Variants in NCKAP1 observed in about 807,000 individuals in gnomAD.
The protein encoded by NCKAP1 is nck-associated protein 1.
In NCKAP1, 21 loss-of-function variants were observed where a neutral mutation model predicts 151.2. That is an observed-to-expected ratio of 0.14 (90% CI 0.10 to 0.20). The LOEUF (loss-of-function observed/expected upper bound fraction) is 0.20, where lower values mean the gene tolerates loss of function less well. Among genes scored for constraint, NCKAP1 ranks in the 10% least tolerant of loss-of-function variants. The pLI, the probability that NCKAP1 is intolerant of heterozygous loss-of-function variation, is 1.00. For missense variants in NCKAP1, 933 were observed against 1,352.1 expected (o/e 0.69, Z 4.86); for synonymous variants, 484 against 451.8 (o/e 1.07, Z -0.90).
In NCKAP1 at chr2:182,926,128, A is replaced by AT. The variant is rs200459663; in HGVS notation, c.3271-311dup. On this transcript the variant is annotated intron_variant, in intron 30 of 30. Coordinates refer to ENST00000361354, the MANE Select transcript of NCKAP1 (RefSeq NM_013436.5). ...TAGAAATAAAAGACAATACAAAAAT[A>AT]TTTTTTTTTTGTACTATCAACTCTA... Among the ~76,000 whole-genome samples the AT allele has an allele frequency of 3.7e-4, 56 of 150,164 alleles. No homozygotes were observed. The East Asian group carries it at 9.5e-3, about 26-fold the overall frequency.
At chr2:182,986,279 A>G in intron 9 of NCKAP1, 52 bp from the exon 10 acceptor site, 1 of 1,405,986 alleles carries the variant, frequency 7.1e-7, no homozygotes, top group South Asian at 1.2e-5. Context: ...AATAACTGTC[A>G]AAATGAGTAA....
intron 8 of NCKAP1, among the ~76,000 whole-genome samples, chr2:182,992,319 T>C (rs1160314065): frequency 6.6e-6 from 1 of 152,238 alleles, no homozygotes; most frequent in African/African-American, 2.4e-5. Flanking sequence ...ATTCATTCCT[T>C]ATTTTGGCAA....
chr2:182,940,034 TGCAAATTCTGTTTGGAATTTTA>T (rs1024745402), intron 24 of NCKAP1, among the ~76,000 whole-genome samples: 13 of 152,182 alleles, frequency 8.5e-5, no homozygotes, highest in African/African-American at 2.7e-4. Flanking sequence ...TTTGAAAACT[TGCAAATTCTGTTTGGAATTTTA>T]ACAAATTCCA....
chr2:182,994,305 C>T (rs1015643258), intron 8 of NCKAP1, among the ~76,000 whole-genome samples: 3 of 152,118 alleles, frequency 2.0e-5, no homozygotes, highest in African/African-American at 7.2e-5. Context: ...TTGTCACTCA[C>T]TAGCTGTGTG....
intron 15 of NCKAP1, among the ~76,000 whole-genome samples, chr2:182,968,281 C>T (rs754024953): frequency 2.4e-4 from 36 of 152,092 alleles, no homozygotes; most frequent in Non-Finnish European, 4.0e-4. Flanking sequence ...GGCAATAAGA[C>T]GGCATTACAA....
At chr2:182,974,461 A>G (rs1176527056) in intron 15 of NCKAP1, among the ~76,000 whole-genome samples, 1 of 152,170 alleles carries the variant, frequency 6.6e-6, no homozygotes, top group East Asian at 1.9e-4. Flanking sequence ...CATAAAAATG[A>G]GGTCATTTGA....
rs778117473 is a variant in NCKAP1 at position 183,001,987 on chromosome 2, T to C, written c.569A>G (p.Lys190Arg). ...QMIVDYENPL[K>R]KMMEEFVPHS... ...GGGTACAAATTCTTCCATCATCTTC[T>C]TTAAAGGGTTTTCATAATCCACAAT... is the stretch of plus-strand genomic sequence containing the variant. Residue 190 changes from lysine (K) to arginine (R), a missense_variant, in exon 6 of 31, where the codon AAG (lysine) becomes AGG (arginine). This residue lies in a region of NCKAP1 where 607 missense variants were observed against 795.0 expected (regional missense o/e 0.76). Coordinates refer to ENST00000361354, the MANE Select transcript of NCKAP1 (RefSeq NM_013436.5). 6.8e-6 allele frequency: 11 copies of C among 1,613,876 alleles called. 1 individual carries two copies. In the South Asian group the frequency reaches 9.9e-5, roughly 14 times the overall value.
At chr2:182,940,375 T>C (rs1696970981) in intron 24 of NCKAP1, among the ~76,000 whole-genome samples, 5 of 152,120 alleles carry the variant, frequency 3.3e-5, no homozygotes, top group Admixed American at 3.3e-4. Context: ...ACCACGTCTA[T>C]TTTTTTGTTT....
chr2:182,987,335 T>C (rs959504812), intron 9 of NCKAP1, among the ~76,000 whole-genome samples: 1 of 152,202 alleles, frequency 6.6e-6, no homozygotes, highest in African/African-American at 2.4e-5. Flanking sequence ...GATTTATGTA[T>C]TCTTTGAGCA....
chr2:183,009,250 C>G (rs1292300095), intron 2 of NCKAP1, among the ~76,000 whole-genome samples: 3 of 151,922 alleles, frequency 2.0e-5, no homozygotes, highest in Non-Finnish European at 4.4e-5. Context: ...GGTTAGCCAC[C>G]TGTGGTCCCA....
chr2:183,019,711 G>A (rs1698760023), intron 2 of NCKAP1, among the ~76,000 whole-genome samples: 1 of 152,170 alleles, frequency 6.6e-6, no homozygotes, highest in African/African-American at 2.4e-5. Flanking sequence ...ACAAGTGGCT[G>A]CTATAATTAT....
Position 182,952,860 on chromosome 2 carries a change from T to C in NCKAP1, c.2436A>G (p.Lys812=), listed in dbSNP as rs758615246. ...TTTCTGTAGGTAAGTTCACAAACGCTTTCATTGCAGGAAAATATGCTATAT... is the reference window on the plus strand; with the variant it reads ...TTTCTGTAGGTAAGTTCACAAACGCCTTCATTGCAGGAAAATATGCTATAT... ...NGHIAYFPAM[K]AFVNLPTENE... The change falls in exon 22 of 31, where the codon AAA becomes AAG. Residue 812 remains lysine (K), a synonymous_variant. Transcript: ENST00000361354. 3.7e-6 allele frequency: 6 copies of C among 1,612,304 alleles called. No individual in the cohort carries two copies. Among genetic ancestry groups the C allele is most frequent in the Non-Finnish European group, 5.1e-6 (6 of 1,178,956 alleles).
At chr2:182,957,250 C>G in intron 19 of NCKAP1, 1 of 451,760 alleles carries the variant, frequency 2.2e-6, no homozygotes. Flanking sequence ...TCAACTATTA[C>G]ATATATTTTC....
rs969747412 is a variant in NCKAP1 at position 182,916,525 on chromosome 2, T to C, written c.*9177A>G. On this transcript the variant is annotated 3_prime_UTR_variant, in exon 31 of 31. Transcript: ENST00000361354. ...TTACATTATGATTCAATATGTACTA[T>C]AATAAAGGCATTTATAAGGTTTAGA... 1 of 152,216 alleles carries C rather than the reference T, an allele frequency of 6.6e-6. No individual in the cohort carries two copies. Among genetic ancestry groups the C allele is most frequent in the Non-Finnish European group, 1.5e-5 (1 of 68,052 alleles). 9.4% of individuals were successfully genotyped at this position (152,216 alleles called of 1,614,324 possible).
chr2:182,992,709 T>C (rs1698193166), intron 8 of NCKAP1, among the ~76,000 whole-genome samples: 1 of 152,142 alleles, frequency 6.6e-6, no homozygotes, highest in Admixed American at 6.5e-5. Context: ...TAAAAATAGC[T>C]ACGGCCAGAT....
At chr2:182,945,848 G>A (rs1006111300) in intron 23 of NCKAP1, among the ~76,000 whole-genome samples, 4 of 152,144 alleles carry the variant, frequency 2.6e-5, no homozygotes, top group Non-Finnish European at 4.4e-5. Flanking sequence ...AAAGACCCAT[G>A]CATGTGTATG....
intron 30 of NCKAP1, 40 bp downstream of exon 30, chr2:182,926,776 G>T: frequency 7.4e-7 from 1 of 1,358,354 alleles, no homozygotes. Flanking sequence ...GGAACGACTG[G>T]AACTTTTTTA....
chr2:183,002,147 A>G lies in NCKAP1; in HGVS notation c.492T>C (p.His164=). 2.5e-6 allele frequency: 4 copies of G among 1,613,336 alleles called. No individual in the cohort carries two copies. The highest frequency in any genetic ancestry group is 2.2e-5 in the East Asian group (1 of 44,822). Residue 164 remains histidine (H), a synonymous_variant, in exon 5 of 31, where the codon CAT becomes CAC. Coordinates refer to ENST00000361354, the MANE Select transcript of NCKAP1 (RefSeq NM_013436.5). ...KAIIGLYNYA[H]EMTHGASDRE... is the part of the protein sequence containing the mutation. ...TCTACCTTGCTCCATGAGTCATTTCATGGGCATAGTTGTATAATCCAATGA... is the reference window on the plus strand; with the variant it reads ...TCTACCTTGCTCCATGAGTCATTTCGTGGGCATAGTTGTATAATCCAATGA...
intron 18 of NCKAP1, among the ~76,000 whole-genome samples, chr2:182,958,179 C>T (rs1057180236): frequency 6.6e-6 from 1 of 152,160 alleles, no homozygotes; most frequent in Admixed American, 6.6e-5. Context: ...AGGAGTTTCA[C>T]TCTTGTTGCC....
Sources: allele counts gnomAD v4.1 joint callset (sites outside exome capture counted in the v4.1 genomes callset), GRCh38; gene constraint gnomAD v4.1.1; regional missense constraint gnomAD v4.1.1; transcripts MANE v1.5; gene names NCBI Gene and HGNC (gene_info 2026-07-23, HGNC 2026-07-21).